CCSER1: variants seen among roughly 807,000 people sequenced by gnomAD.
CCSER1 encodes coiled-coil serine rich protein 1.
Under a neutral mutation model 82.0 loss-of-function variants are expected in CCSER1, and 41 were observed. The ratio of observed to expected loss-of-function variants is 0.50; its 90% CI spans 0.39 to 0.65. The LOEUF (loss-of-function observed/expected upper bound fraction) is 0.65, where lower values mean the gene tolerates loss of function less well. CCSER1 is among the 30% of genes least tolerant of loss of function. The pLI is 0.00. For synonymous variants in CCSER1, 414 were observed against 383.9 expected, an observed-to-expected ratio of 1.08 and a Z score of -0.92; for missense variants, 1,119 against 1,064.2, an observed-to-expected ratio of 1.05 and a Z score of -0.72.
At chr4:90,995,104 A>C (rs1030384991) in intron 9 of CCSER1, among the ~76,000 whole-genome samples, 3 of 152,192 alleles carry the variant, frequency 2.0e-5, no homozygotes, top group African/African-American at 7.2e-5. Context: ...CCCATGAGGT[A>C]AATGAATATT....
chr4:91,356,119 T>C (rs368455453), intron 10 of CCSER1, among the ~76,000 whole-genome samples: 2 of 152,260 alleles, frequency 1.3e-5, no homozygotes, highest in African/African-American at 4.8e-5. Flanking sequence ...ACCAGGGCCC[T>C]TGGACATGGG....
intron 2 of CCSER1, 84 bp from the exon 3 acceptor site, chr4:90,312,779 G>C (rs1735532735): frequency 9.2e-7 from 1 of 1,085,344 alleles, no homozygotes; most frequent in Non-Finnish European, 1.3e-6. Context: ...AACACTAAGA[G>C]TTTTTCATGA....
chr4:91,500,900 G>C (rs1240275437), intron 10 of CCSER1, among the ~76,000 whole-genome samples: 1 of 151,908 alleles, frequency 6.6e-6, no homozygotes, highest in African/African-American at 2.4e-5. Flanking sequence ...CCCAGTGCCT[G>C]AGAAAAAGTG....
At chr4:90,256,109 A>G (rs1436686173) in intron 1 of CCSER1, among the ~76,000 whole-genome samples, 1 of 152,086 alleles carries the variant, frequency 6.6e-6, no homozygotes, top group Non-Finnish European at 1.5e-5. Context: ...TATTTTTCAC[A>G]TATTTGTAAA....
intron 5 of CCSER1, among the ~76,000 whole-genome samples, chr4:90,499,252 A>G (rs1230831309): frequency 6.6e-6 from 1 of 152,048 alleles, no homozygotes; most frequent in African/African-American, 2.4e-5. Flanking sequence ...TGCCTACTAT[A>G]TGCAAGGTAC....
rs555755206 is a variant in CCSER1, at chr4:91,097,634, G to A, written c.2217+11640G>A. Among the ~76,000 whole-genome samples the A allele has an allele frequency of 4.6e-5, 7 of 152,250 alleles. No homozygotes were observed. In the South Asian group the frequency reaches 1.5e-3, roughly 32 times the overall value. On this transcript the variant is annotated intron_variant, in intron 10 of 10. Coordinates refer to ENST00000509176, the MANE Select transcript of CCSER1 (RefSeq NM_001145065.2). The stretch of plus-strand genomic sequence containing the variant: ...AATTTCTAGAAGTATTTAGAAATAT[G>A]ATCAATAACTTTATAGACATACTCA...
chr4:90,326,250 C>T (rs1272873032), intron 3 of CCSER1, among the ~76,000 whole-genome samples: 1 of 151,754 alleles, frequency 6.6e-6, no homozygotes, highest in African/African-American at 2.4e-5. Flanking sequence ...TTAGTAGAGA[C>T]GGGGTTTCAC....
chr4:90,248,981 G>A (rs935713390), intron 1 of CCSER1, among the ~76,000 whole-genome samples: 1 of 152,046 alleles, frequency 6.6e-6, no homozygotes, highest in Non-Finnish European at 1.5e-5. Flanking sequence ...ACATGCATGA[G>A]CCACAATGCC....
chr4:90,312,207 A>G (rs554869121), intron 2 of CCSER1, among the ~76,000 whole-genome samples: 6 of 152,202 alleles, frequency 3.9e-5, no homozygotes, highest in Admixed American at 3.9e-4. Context: ...CATGCCAGTG[A>G]TGTACCAGAG....
chr4:90,480,008 T>C (rs1578692446), intron 5 of CCSER1, among the ~76,000 whole-genome samples: 1 of 152,200 alleles, frequency 6.6e-6, no homozygotes, highest in East Asian at 1.9e-4. Context: ...GTCAAAGTGT[T>C]CCTATTTCTC....
At chr4:91,155,117 A>C (rs1297661078) in intron 10 of CCSER1, among the ~76,000 whole-genome samples, 1 of 151,854 alleles carries the variant, frequency 6.6e-6, no homozygotes, top group Non-Finnish European at 1.5e-5. Context: ...TGAGATGCCT[A>C]TTAGGTATCT....
chr4:90,267,505 G>A (rs1161978561), intron 1 of CCSER1, among the ~76,000 whole-genome samples: 1 of 152,132 alleles, frequency 6.6e-6, no homozygotes, highest in African/African-American at 2.4e-5. Context: ...CATAGAGATA[G>A]GTAGTGGCTA....
chr4:91,259,244 TCATTC>T (rs1411521822), intron 10 of CCSER1, among the ~76,000 whole-genome samples: 1 of 152,200 alleles, frequency 6.6e-6, no homozygotes, highest in Non-Finnish European at 1.5e-5. Flanking sequence ...ATTTGTCGCT[TCATTC>T]CATTCTTTAT....
At chr4:91,436,712 T>C (rs779222050) in intron 10 of CCSER1, among the ~76,000 whole-genome samples, 1 of 152,222 alleles carries the variant, frequency 6.6e-6, no homozygotes, top group Non-Finnish European at 1.5e-5. Flanking sequence ...CTTCCAATAG[T>C]GAAACCATGA....
At chr4:90,820,868 A>G (rs970251962) in intron 8 of CCSER1, among the ~76,000 whole-genome samples, 5 of 152,120 alleles carry the variant, frequency 3.3e-5, no homozygotes, top group African/African-American at 9.7e-5. Flanking sequence ...AATAATTAAT[A>G]GTATTTAACT....
At chr4:91,159,396 T>C (rs1654370254) in intron 10 of CCSER1, among the ~76,000 whole-genome samples, 6 of 152,116 alleles carry the variant, frequency 3.9e-5, no homozygotes, top group African/African-American at 1.2e-4. Flanking sequence ...ATTCTTGTCA[T>C]AGTGTTTTCC....
chr4:90,323,441 T>C (rs977148551), intron 3 of CCSER1, among the ~76,000 whole-genome samples: 3 of 152,194 alleles, frequency 2.0e-5, no homozygotes, highest in Admixed American at 2.0e-4. Flanking sequence ...GGGAGGATTC[T>C]CCTCTGGCAG....
intron 10 of CCSER1, among the ~76,000 whole-genome samples, chr4:91,515,817 C>T (rs997459784): frequency 6.6e-6 from 1 of 151,102 alleles, no homozygotes; most frequent in Non-Finnish European, 1.5e-5. Context: ...ACTCTCCTAC[C>T]AGCAGTGATA....
chr4:91,470,824 G>T (rs1283711619), intron 10 of CCSER1, among the ~76,000 whole-genome samples: 1 of 152,082 alleles, frequency 6.6e-6, no homozygotes, highest in African/African-American at 2.4e-5. Flanking sequence ...AAATAAGAAC[G>T]TGTAATTCCC....
Sources: allele counts gnomAD v4.1 joint callset (sites outside exome capture counted in the v4.1 genomes callset), GRCh38; gene constraint gnomAD v4.1.1; transcripts MANE v1.5; gene names NCBI Gene and HGNC (gene_info 2026-07-23, HGNC 2026-07-21).